Variants in ANKRD13A observed in about 807,000 individuals in gnomAD.
The protein encoded by ANKRD13A is ankyrin repeat domain 13A.
Under a neutral mutation model 81.3 loss-of-function variants are expected in ANKRD13A, and 48 were observed. That is an observed-to-expected ratio of 0.59 (90% CI 0.47 to 0.75). The LOEUF (loss-of-function observed/expected upper bound fraction) is 0.75, where lower values mean the gene tolerates loss of function less well. Ranked by LOEUF, ANKRD13A falls within the 30% of genes least tolerant of loss-of-function variation. The pLI is 0.00. For missense variants in ANKRD13A, 612 were observed against 734.0 expected, an observed-to-expected ratio of 0.83 and a Z score of 1.92; for synonymous variants, 230 against 270.1, an observed-to-expected ratio of 0.85 and a Z score of 1.45.
chr12:110,030,458 C>T (rs964830334), intron 11 of ANKRD13A, among the ~76,000 whole-genome samples, 187 bp from the exon 12 acceptor site: 3 of 152,084 alleles, frequency 2.0e-5, no homozygotes, highest in Non-Finnish European at 2.9e-5. Flanking sequence ...TAAGCCACCG[C>T]GCCTGACCGA....
intron 13 of ANKRD13A, 136 bp downstream of exon 13, chr12:110,034,093 CTTTGTGCAT>C: frequency 2.3e-6 from 2 of 888,534 alleles, no homozygotes; most frequent in Non-Finnish European, 1.5e-6. Context: ...ATAGGTTATA[CTTTGTGCAT>C]CTGGTCTTCT....
In ANKRD13A at chr12:110,037,702, C is replaced by A. The variant is rs1157225083; in HGVS notation, c.*148C>A. 5 of 789,846 alleles carry A rather than the reference C, an allele frequency of 6.3e-6. No homozygotes were observed. Among genetic ancestry groups the A allele is most frequent in the African/African-American group, 5.2e-5 (3 of 57,272 alleles). The allele number at this position is 789,846 out of a possible 1,614,324, so 48.9% of individuals were successfully genotyped here. On this transcript the variant is annotated 3_prime_UTR_variant, in exon 15 of 15. Coordinates refer to ENST00000261739, the MANE Select transcript of ANKRD13A (RefSeq NM_033121.2). The stretch of plus-strand genomic sequence containing the variant: ...CCTTCTTTATGCAGAGGTGCAGAAC[C>A]AGGGACTCCTGGGCCCATCCAGGCT...
intron 8 of ANKRD13A, among the ~76,000 whole-genome samples, 172 bp downstream of exon 8, chr12:110,025,995 CCT>C (rs1891300960): frequency 6.6e-6 from 1 of 151,152 alleles, no homozygotes; most frequent in South Asian, 2.1e-4. Flanking sequence ...AAAGTCTCGC[CCT>C]GTCACCCAGG....
chr12:110,018,341 C>A lies in ANKRD13A; in HGVS notation c.401-4C>A, dbSNP rs758326203. 1 of 1,613,936 alleles carries A rather than the reference C, an allele frequency of 6.2e-7. No homozygotes were observed. Among genetic ancestry groups the A allele is most frequent in the Non-Finnish European group, 8.5e-7 (1 of 1,179,884 alleles). ...TTTCTCAGTAGTACACTTCTCTCCT[C>A]CAGTGCCCTTGGTTTCTAGAATATG... On this transcript the variant is annotated splice_polypyrimidine_tract_variant and splice_region_variant and intron_variant, in intron 4 of 14. Coordinates refer to ENST00000261739, the MANE Select transcript of ANKRD13A (RefSeq NM_033121.2). The surrounding 1 kb of genome is among the most constrained non-coding windows in gnomAD (Gnocchi z 4.4).
intron 14 of ANKRD13A, among the ~76,000 whole-genome samples, 182 bp from the exon 15 acceptor site, chr12:110,037,177 A>T (rs1407064540): frequency 6.6e-6 from 1 of 152,128 alleles, no homozygotes; most frequent in Non-Finnish European, 1.5e-5. Context: ...CTTGGGCAAG[A>T]TTGTGGGGTT....
chr12:110,010,994 A>T (rs1054691119), intron 1 of ANKRD13A, among the ~76,000 whole-genome samples: 7 of 152,186 alleles, frequency 4.6e-5, no homozygotes, highest in African/African-American at 1.7e-4. Context: ...AATCCCAGCT[A>T]CTAGGGAGGC....
chr12:110,001,332 C>T (rs1889962747), intron 1 of ANKRD13A, among the ~76,000 whole-genome samples: 2 of 151,694 alleles, frequency 1.3e-5, no homozygotes, highest in Non-Finnish European at 2.9e-5. Flanking sequence ...AGCATTACTC[C>T]ATTTGGTGAA....
At chr12:110,014,885 G>A (rs1452326024) in intron 3 of ANKRD13A, among the ~76,000 whole-genome samples, 6 of 149,554 alleles carry the variant, frequency 4.0e-5, no homozygotes, top group Admixed American at 6.7e-5. Context: ...CCGGGTTCAC[G>A]CCATTCTCCT....
At chr12:110,003,458 A>C (rs1890082461) in intron 1 of ANKRD13A, among the ~76,000 whole-genome samples, 2 of 152,158 alleles carry the variant, frequency 1.3e-5, no homozygotes, top group African/African-American at 4.8e-5. Context: ...ACCTTAGGAA[A>C]CTGGCCTCAA....
chr12:110,033,882 G>C lies in ANKRD13A; in HGVS notation c.1434G>C (p.Val478=). 1.9e-6 allele frequency: 3 copies of C among 1,613,530 alleles called. No individual in the cohort carries two copies. The highest frequency in any genetic ancestry group is 2.2e-5 in the East Asian group (1 of 44,820). ...ATGTTCAAGACAATGGCAGAAATGT[G>C]CATTTGCAAGATGAAGATTACGAGA... ...SYYVQDNGRN[V]HLQDEDYEIM... Residue 478 remains valine, a synonymous_variant, in exon 13 of 15, where the codon GTG becomes GTC. Transcript: ENST00000261739.
intron 1 of ANKRD13A, among the ~76,000 whole-genome samples, chr12:110,003,693 T>TCA (rs1465960446): frequency 9.9e-5 from 15 of 152,150 alleles, no homozygotes; most frequent in Non-Finnish European, 1.8e-4. Flanking sequence ...GTGGGCAAGC[T>TCA]GGAAGGGGTG....
At chr12:110,008,530 C>T (rs1890351811) in intron 1 of ANKRD13A, among the ~76,000 whole-genome samples, 1 of 152,076 alleles carries the variant, frequency 6.6e-6, no homozygotes, top group South Asian at 2.1e-4. Context: ...TTTCCTTCTT[C>T]ATCTATTTAT....
chr12:110,035,295 C>T (rs746331456), intron 13 of ANKRD13A, among the ~76,000 whole-genome samples: 1 of 152,182 alleles, frequency 6.6e-6, no homozygotes, highest in African/African-American at 2.4e-5. Context: ...TGAATTGTGT[C>T]TTCTAATCTT....
intron 4 of ANKRD13A, among the ~76,000 whole-genome samples, chr12:110,016,662 G>T (rs180711712): frequency 6.6e-6 from 1 of 152,034 alleles, no homozygotes; most frequent in East Asian, 1.9e-4. Context: ...TTCCTCCCAG[G>T]CATTCATGAA....
At chr12:110,028,032 A>G in intron 9 of ANKRD13A, 2 of 457,918 alleles carry the variant, frequency 4.4e-6, no homozygotes, top group Non-Finnish European at 7.8e-6. Flanking sequence ...TCTTTATAGA[A>G]ATGGAACTTA....
chr12:110,035,162 A>G (rs1361353504), intron 13 of ANKRD13A, among the ~76,000 whole-genome samples: 1 of 152,168 alleles, frequency 6.6e-6, no homozygotes, highest in Non-Finnish European at 1.5e-5. Flanking sequence ...TCAGCCTGGT[A>G]TGCTTTTCCT....
At position 110,028,500 on chromosome 12, in the gene ANKRD13A, C is replaced by G. The variant is rs766148522; in HGVS notation, c.946-12C>G. Reference sequence around the variant, plus strand: ...TTGGCATTTCTGACTCTCCTGAGTTCTGGCTCAGCAGGACCTCACCACGGA... The same window carrying G: ...TTGGCATTTCTGACTCTCCTGAGTTGTGGCTCAGCAGGACCTCACCACGGA... On this transcript the variant is annotated splice_polypyrimidine_tract_variant and intron_variant, in intron 9 of 14. Transcript: ENST00000261739. The G allele has an allele frequency of 6.2e-7, 1 of 1,613,812 alleles. No individual in the cohort carries two copies. Among genetic ancestry groups the G allele is most frequent in the Admixed American group, 1.7e-5 (1 of 59,982 alleles).
intron 6 of ANKRD13A, among the ~76,000 whole-genome samples, chr12:110,020,892 C>T (rs1891043641): frequency 6.6e-6 from 1 of 152,180 alleles, no homozygotes. Flanking sequence ...GAGATGAAAT[C>T]TCCAAAGTCT....
chr12:110,008,909 A>AT (rs1000324268), intron 1 of ANKRD13A, among the ~76,000 whole-genome samples: 18 of 151,666 alleles, frequency 1.2e-4, no homozygotes, highest in South Asian at 2.1e-4. Context: ...CTGGGCCTGC[A>AT]TTTTTTTTGG....
Sources: allele counts gnomAD v4.1 joint callset (sites outside exome capture counted in the v4.1 genomes callset), GRCh38; gene constraint gnomAD v4.1.1; non-coding constraint Gnocchi (gnomAD v3.1); transcripts MANE v1.5; gene names NCBI Gene and HGNC (gene_info 2026-07-23, HGNC 2026-07-21).